The following KLHL26 variants were observed in gnomAD, a reference collection of about 807,000 sequenced individuals.
The protein encoded by KLHL26 is kelch-like protein 26.
In KLHL26, 4 loss-of-function variants were observed where a neutral mutation model predicts 7.1. The ratio of observed to expected loss-of-function variants is 0.56; its 90% CI spans 0.28 to 1.28. The LOEUF is 1.28. Ranked by LOEUF, KLHL26 falls within the 50% of genes most tolerant of loss-of-function variation. KLHL26 has a pLI of 0.11. For synonymous variants in KLHL26, 465 were observed against 414.1 expected (o/e 1.12, Z -1.49); for missense variants, 896 against 924.6 (o/e 0.97, Z 0.40).
At position 18,671,247 on chromosome 19, in the gene KLHL26, G is replaced by C. The variant is rs1034528653; in HGVS notation, c.*2002G>C. Reference sequence around the variant, plus strand: ...CCTGTGTGGCAGCCATCGGGGCTGGGGTAACACTAGAGGCTGAGGGGGTGG... The same window carrying C: ...CCTGTGTGGCAGCCATCGGGGCTGGCGTAACACTAGAGGCTGAGGGGGTGG... On this transcript the variant is annotated 3_prime_UTR_variant, in exon 3 of 3. Coordinates refer to ENST00000300976, the MANE Select transcript of KLHL26 (RefSeq NM_018316.3). The C allele has an allele frequency of 2.6e-5, 4 of 152,280 alleles. No homozygotes were observed. Among genetic ancestry groups the C allele is most frequent in the African/African-American group, 9.6e-5 (4 of 41,452 alleles). 9.4% of individuals were successfully genotyped at this position (152,280 alleles called of 1,614,324 possible).
At chr19:18,653,037 C>T (rs2052277033) in intron 1 of KLHL26, among the ~76,000 whole-genome samples, 2 of 152,066 alleles carry the variant, frequency 1.3e-5, no homozygotes, top group African/African-American at 4.8e-5. Context: ...GCTTTTTGGC[C>T]TTTTCATGGT....
chr19:18,667,991 G>A lies in KLHL26; in HGVS notation c.594G>A (p.Glu198=). ...TFRHFLQIAE[E]EDFLRLPLER... ...GGCACTTCCTGCAGATCGCCGAGGA[G>A]GAGGATTTCCTGCGCCTGCCACTGG... The change falls in exon 3 of 3, where the codon GAG becomes GAA. Residue 198 remains glutamate (E), a synonymous_variant. Coordinates refer to ENST00000300976, the MANE Select transcript of KLHL26 (RefSeq NM_018316.3). The A allele has an allele frequency of 1.2e-6, 2 of 1,608,606 alleles. No homozygotes were observed. The highest frequency in any genetic ancestry group is 8.5e-7 in the Non-Finnish European group (1 of 1,179,968).
chr19:18,665,159 C>T (rs1271228408), intron 2 of KLHL26, among the ~76,000 whole-genome samples: 3 of 151,930 alleles, frequency 2.0e-5, no homozygotes, highest in Middle Eastern at 3.4e-3. Flanking sequence ...CGGGTTCAAG[C>T]GATTCTCCTG....
chr19:18,655,390 C>CG (rs1383755132), intron 1 of KLHL26, among the ~76,000 whole-genome samples: 2 of 152,174 alleles, frequency 1.3e-5, no homozygotes, highest in Non-Finnish European at 2.9e-5. Flanking sequence ...CACCTGGGAC[C>CG]GGGGAGAGGT....
intron 1 of KLHL26, among the ~76,000 whole-genome samples, chr19:18,643,864 G>C (rs1035640236): frequency 6.6e-6 from 1 of 152,146 alleles, no homozygotes; most frequent in Admixed American, 6.6e-5. Flanking sequence ...GAAGTGCTGG[G>C]ATTACAAGCA....
intron 1 of KLHL26, among the ~76,000 whole-genome samples, chr19:18,641,988 T>A (rs993889968): frequency 2.0e-5 from 3 of 152,046 alleles, no homozygotes; most frequent in African/African-American, 7.3e-5. Flanking sequence ...AAAATCACTG[T>A]TTGGAGCAAC....
rs914763231 is a variant in KLHL26, at chr19:18,664,157, A to G, written c.84-104A>G. On this transcript the variant is annotated intron_variant, in intron 1 of 2. Coordinates refer to ENST00000300976, the MANE Select transcript of KLHL26 (RefSeq NM_018316.3). The stretch of plus-strand genomic sequence containing the variant: ...ATTTCACGTCAGTGGAGTCATACAC[A>G]GTGCGGCCTTTTGTGTCTGGCTTCT... 8.5e-6 allele frequency: 9 copies of G among 1,058,162 alleles called. No individual in the cohort carries two copies. In the East Asian group the frequency reaches 1.8e-4, roughly 21 times the overall value. 65.5% of individuals were successfully genotyped at this position (1,058,162 alleles called of 1,614,324 possible).
intron 1 of KLHL26, 127 bp downstream of exon 1, chr19:18,637,264 T>G: frequency 9.5e-7 from 1 of 1,048,694 alleles, no homozygotes; most frequent in East Asian, 3.3e-5. Context: ...GCTGAGAATT[T>G]GGACTTTACG....
At chr19:18,652,608 AG>A (rs1378050368) in intron 1 of KLHL26, among the ~76,000 whole-genome samples, 4 of 122,636 alleles carry the variant, frequency 3.3e-5, no homozygotes, top group Non-Finnish European at 5.2e-5. Context: ...AAAAAAAAAA[AG>A]AGTTGGGCTC....
chr19:18,642,740 G>A (rs1431293613), intron 1 of KLHL26, among the ~76,000 whole-genome samples: 2 of 150,704 alleles, frequency 1.3e-5, no homozygotes, highest in Non-Finnish European at 3.0e-5. Context: ...ATGCAGTGTC[G>A]TAGCTACCTG....
At chr19:18,663,280 C>A (rs965356821) in intron 1 of KLHL26, among the ~76,000 whole-genome samples, 1 of 152,186 alleles carries the variant, frequency 6.6e-6, no homozygotes, top group African/African-American at 2.4e-5. Context: ...CCCCTCTCCC[C>A]GGCAGTTTGT....
chr19:18,647,793 A>G (rs1267290231), intron 1 of KLHL26, among the ~76,000 whole-genome samples: 3 of 152,176 alleles, frequency 2.0e-5, no homozygotes, highest in African/African-American at 7.2e-5. Context: ...GCAAGGGGTG[A>G]CTGGGCAGCA....
At chr19:18,651,322 G>A (rs929855390) in intron 1 of KLHL26, among the ~76,000 whole-genome samples, 17 of 152,108 alleles carry the variant, frequency 1.1e-4, no homozygotes, top group Non-Finnish European at 2.2e-4. Flanking sequence ...GCTCTGATTG[G>A]ATCAGAAGGG....
At chr19:18,655,727 G>A (rs1204492698) in intron 1 of KLHL26, among the ~76,000 whole-genome samples, 2 of 152,244 alleles carry the variant, frequency 1.3e-5, no homozygotes, top group Non-Finnish European at 2.9e-5. Flanking sequence ...TCAGGGAGGT[G>A]GGGTCTGAAC....
In KLHL26 at chr19:18,664,326, T is replaced by C; in HGVS notation, c.149T>C (p.Leu50Pro). 3 of 1,609,732 alleles carry C rather than the reference T, an allele frequency of 1.9e-6. No individual in the cohort carries two copies. The highest frequency in any genetic ancestry group is 1.1e-5 in the South Asian group (1 of 91,048). ...GCACCCAGCCACAGCACCAGCCTCCTGCAGGGCCTGGCCACCCTCCGCGCT... is the reference window on the plus strand; with the variant it reads ...GCACCCAGCCACAGCACCAGCCTCCCGCAGGGCCTGGCCACCCTCCGCGCT... ...FSAPSHSTSL[L>P]QGLATLRAQG... is the part of the protein sequence containing the mutation. Residue 50 changes from leucine (L) to proline (P), a missense_variant, in exon 2 of 3, where the codon CTG becomes CCG. Transcript: ENST00000300976.
chr19:18,651,497 T>C (rs1418270678), intron 1 of KLHL26, among the ~76,000 whole-genome samples: 1 of 152,150 alleles, frequency 6.6e-6, no homozygotes, highest in Non-Finnish European at 1.5e-5. Context: ...AGGGGGCCCT[T>C]ATGAGAAGAG....
chr19:18,640,362 A>G (rs1357332007), intron 1 of KLHL26, among the ~76,000 whole-genome samples: 1 of 151,586 alleles, frequency 6.6e-6, no homozygotes, highest in Non-Finnish European at 1.5e-5. Context: ...CAGCCTTCCA[A>G]GTAGCTGGTA....
intron 2 of KLHL26, 39 bp downstream of exon 2, chr19:18,664,482 C>G: frequency 6.6e-7 from 1 of 1,507,776 alleles, no homozygotes. Context: ...GGGCGGCTGC[C>G]TGTTGGGACA....
rs1222932698 is a variant in KLHL26, at chr19:18,649,664, C to T, written c.83+12527C>T. On this transcript the variant is annotated intron_variant, in intron 1 of 2. Transcript: ENST00000300976. This position sits in a 1 kb window ranked among gnomAD's most constrained non-coding sequence, Gnocchi z 4.0. Reference sequence around the variant, plus strand: ...GCCAAGCCCGCTGGGTTCCCGCTGCCGGCAGCCCCGCCCTCCTCCTCTGGT... The same window carrying T: ...GCCAAGCCCGCTGGGTTCCCGCTGCTGGCAGCCCCGCCCTCCTCCTCTGGT... Among the ~76,000 whole-genome samples the T allele has an allele frequency of 5.9e-5, 9 of 152,366 alleles. No homozygotes were observed. Among genetic ancestry groups the T allele is most frequent in the African/African-American group, 1.7e-4 (7 of 41,588 alleles).
Sources: gnomAD v4.1 joint callset for allele counts (sites outside exome capture counted in the v4.1 genomes callset) on GRCh38, gnomAD v4.1.1 for gene constraint, Gnocchi (gnomAD v3.1) non-coding constraint, MANE v1.5 for transcripts, NCBI Gene and HGNC (gene_info 2026-07-23, HGNC 2026-07-21) for gene names.